SMIM14: variants seen among roughly 807,000 people sequenced by gnomAD.
SMIM14 encodes the protein small integral membrane protein 14, also known as chromosome 4 open reading frame 34.
In SMIM14, 5 loss-of-function variants were observed where a neutral mutation model predicts 12.6. The observed-to-expected ratio is 0.40, with a 90% CI of 0.21 to 0.83. The LOEUF (loss-of-function observed/expected upper bound fraction) is 0.83. SMIM14 is among the 40% of genes least tolerant of loss of function. The probability of loss-of-function intolerance (pLI) is 0.37; values close to 1 mark genes in which losing one functional copy is unlikely to be tolerated. For synonymous variants in SMIM14, 30 were observed against 40.1 expected (o/e 0.75, Z 0.95); for missense variants, 86 against 119.1 (o/e 0.72, Z 1.29).
chr4:39,618,637 G>A (rs1376470602), intron 1 of SMIM14, among the ~76,000 whole-genome samples: 5 of 115,900 alleles, frequency 4.3e-5, no homozygotes, highest in African/African-American at 1.3e-4. Flanking sequence ...GCGACAGAGC[G>A]AGACTCCATC....
rs550361151 is a variant in SMIM14 at position 39,590,848 on chromosome 4, A to G, written c.75+14223T>C. Among the ~76,000 whole-genome samples the G allele has an allele frequency of 2.1e-3, 325 of 152,088 alleles. 1 individual carries two copies. The highest frequency in any genetic ancestry group is 7.5e-3 in the African/African-American group (312 of 41,520). On this transcript the variant is annotated intron_variant, in intron 2 of 4. Transcript: ENST00000295958. The stretch of plus-strand genomic sequence containing the variant: ...CATAGTTATCACGGGGCATATTCCT[A>G]TATTAAATAACACAGAATTATATGT...
chr4:39,600,415 T>A (rs7680844), intron 2 of SMIM14, among the ~76,000 whole-genome samples: 2 of 152,008 alleles, frequency 1.3e-5, no homozygotes, highest in African/African-American at 4.8e-5. Flanking sequence ...AAGGGCCGGG[T>A]GTGGTGGCTG....
At chr4:39,562,825 G>GTTTTTTTTTTTTTTTTTTTTT (rs1553861796) in intron 3 of SMIM14, among the ~76,000 whole-genome samples, 5 of 128,102 alleles carry the variant, frequency 3.9e-5, no homozygotes, top group African/African-American at 2.1e-4. Context: ...TGTATTTTTA[G>GTTTTTTTTTTTTTTTTTTTTT]TAGAGACGGT....
chr4:39,593,136 T>C (rs1176200316), intron 2 of SMIM14: 1 of 151,942 alleles, frequency 6.6e-6, no homozygotes, highest in Admixed American at 6.6e-5. Context: ...TTGATGAACA[T>C]TGATGCAAAA....
At chr4:39,584,983 C>T (rs1713717130) in intron 2 of SMIM14, among the ~76,000 whole-genome samples, 1 of 151,808 alleles carries the variant, frequency 6.6e-6, no homozygotes, top group African/African-American at 2.4e-5. Flanking sequence ...CTACAAAGCA[C>T]ATTCTGAATT....
At position 39,631,607 on chromosome 4, in the gene SMIM14, C is replaced by T. The variant is rs542815777; in HGVS notation, c.-36+7132G>A. Among the ~76,000 whole-genome samples the T allele has an allele frequency of 2.5e-3, 372 of 150,194 alleles. 1 individual carries two copies. Among genetic ancestry groups the T allele is most frequent in the African/African-American group, 8.7e-3 (355 of 40,740 alleles). On this transcript the variant is annotated intron_variant, in intron 1 of 4. Coordinates refer to ENST00000295958, the MANE Select transcript of SMIM14 (RefSeq NM_174921.3). ...CCGGGAAGCGGAGCTTGCAGTGAGC[C>T]GACATTGCGCCACTGCACTCTAGCC... is the stretch of plus-strand genomic sequence containing the variant.
intron 1 of SMIM14, among the ~76,000 whole-genome samples, chr4:39,632,898 A>T (rs993598940): frequency 4.5e-4 from 68 of 152,144 alleles, no homozygotes; most frequent in African/African-American, 6.3e-4. Context: ...TAAATAAATT[A>T]AAAAAATATT....
intron 2 of SMIM14, among the ~76,000 whole-genome samples, chr4:39,581,722 C>G (rs1486125683): frequency 2.0e-5 from 3 of 151,450 alleles, no homozygotes; most frequent in African/African-American, 7.3e-5. Context: ...AACCACCACA[C>G]CTGGCTGTTT....
At chr4:39,584,683 C>A (rs1017455458) in intron 2 of SMIM14, among the ~76,000 whole-genome samples, 4 of 146,900 alleles carry the variant, frequency 2.7e-5, no homozygotes, top group African/African-American at 1.0e-4. Flanking sequence ...ATAGTCCCAG[C>A]TACTTGGGAG....
chr4:39,573,245 G>A (rs761403683), intron 2 of SMIM14, among the ~76,000 whole-genome samples: 15 of 152,000 alleles, frequency 9.9e-5, no homozygotes, highest in African/African-American at 2.7e-4. Flanking sequence ...ACAGGCACCC[G>A]CCACCACACC....
In SMIM14 at chr4:39,552,103, T is replaced by A. The variant is rs765932779; in HGVS notation, c.*23A>T. Reference sequence around the variant, plus strand: ...GTTTGGTCGTGCAAGGTGTTAACTATTTTCACTTCCCATATCACAAAGTTA... The same window carrying A: ...GTTTGGTCGTGCAAGGTGTTAACTAATTTCACTTCCCATATCACAAAGTTA... On this transcript the variant is annotated 3_prime_UTR_variant, in exon 5 of 5. Coordinates refer to ENST00000295958, the MANE Select transcript of SMIM14 (RefSeq NM_174921.3). The A allele has an allele frequency of 3.2e-6, 5 of 1,587,058 alleles. No homozygotes were observed. The South Asian group carries it at 5.9e-5, about 19-fold the overall frequency.
chr4:39,550,473 G>C lies in SMIM14; in HGVS notation c.*1653C>G, dbSNP rs1267751211. ...ATTTTTGCATTTTTAGTAGAGATAA[G>C]GTTTCACCATGTTGGTCAGGCTGGT... is the stretch of plus-strand genomic sequence containing the variant. On this transcript the variant is annotated 3_prime_UTR_variant, in exon 5 of 5. Transcript: ENST00000295958. 6.6e-6 allele frequency: 1 copy of C among 152,148 alleles called. No individual in the cohort carries two copies. Among genetic ancestry groups the C allele is most frequent in the Non-Finnish European group, 1.5e-5 (1 of 68,040 alleles). 9.4% of individuals were successfully genotyped at this position (152,148 alleles called of 1,614,324 possible).
chr4:39,631,376 T>G (rs957456990), intron 1 of SMIM14, among the ~76,000 whole-genome samples: 1 of 149,866 alleles, frequency 6.7e-6, no homozygotes, highest in African/African-American at 2.5e-5. Context: ...AACTATGTTG[T>G]GGCCGGGTGC....
chr4:39,579,399 G>T (rs1267616994), intron 2 of SMIM14, among the ~76,000 whole-genome samples: 2 of 125,394 alleles, frequency 1.6e-5, no homozygotes, highest in Non-Finnish European at 3.2e-5. Context: ...AACACAGTGA[G>T]ACAGTGCCTC....
chr4:39,584,774 TA>T (rs1713700372), intron 2 of SMIM14, among the ~76,000 whole-genome samples: 1 of 92,118 alleles, frequency 1.1e-5, no homozygotes, highest in Non-Finnish European at 2.0e-5. Context: ...CCAGCCTGGG[TA>T]ATCAAGCAGG....
At position 39,552,031 on chromosome 4, in the gene SMIM14, G is replaced by A. The variant is rs1474271792; in HGVS notation, c.*95C>T. 3 of 1,005,606 alleles carry A rather than the reference G, an allele frequency of 3.0e-6. No homozygotes were observed. In the African/African-American group the frequency reaches 5.0e-5, roughly 17 times the overall value. The allele number at this position is 1,005,606 out of a possible 1,614,324, so 62.3% of individuals were successfully genotyped here. On this transcript the variant is annotated 3_prime_UTR_variant, in exon 5 of 5. Coordinates refer to ENST00000295958, the MANE Select transcript of SMIM14 (RefSeq NM_174921.3). ...CCATCCCATATTGCAGATACAAAAG[G>A]AAAAACAGTTCTAATGGGGTTAAGA...
At chr4:39,618,104 ACAAGTGAAGC>A (rs1440400554) in intron 1 of SMIM14, among the ~76,000 whole-genome samples, 1 of 152,184 alleles carries the variant, frequency 6.6e-6, no homozygotes, top group African/African-American at 2.4e-5. Context: ...TTCAGAAATA[ACAAGTGAAGC>A]CAGCATAGAA....
intron 2 of SMIM14, among the ~76,000 whole-genome samples, chr4:39,579,125 A>C (rs920184943): frequency 6.6e-6 from 1 of 151,514 alleles, no homozygotes; most frequent in Non-Finnish European, 1.5e-5. Flanking sequence ...AAACACATAA[A>C]AGGCCGGGTG....
At position 39,554,830 on chromosome 4, in the gene SMIM14, ATTTT is replaced by A. The variant is rs34845808; in HGVS notation, c.267+1594_267+1597del. Among the ~76,000 whole-genome samples, 89 of 123,984 alleles carry A rather than the reference ATTTT, an allele frequency of 7.2e-4. 1 individual carries two copies. The highest frequency in any genetic ancestry group is 2.4e-3 in the African/African-American group (80 of 32,978). 81.3% of individuals were successfully genotyped at this position (123,984 alleles called of 152,430 possible). A position where few individuals can be genotyped will look rare whatever the true frequency, so the allele number is the denominator to read the frequency against. On this transcript the variant is annotated intron_variant, in intron 4 of 4. Transcript: ENST00000295958. ...TAGAGGTAACTGGCAAATTCATGGAATTTTTTTTTTTTTTTTTTTTTTGAGACGA... is the reference window on the plus strand; with the variant it reads ...TAGAGGTAACTGGCAAATTCATGGAATTTTTTTTTTTTTTTTTTGAGACGA...
Sources: gnomAD v4.1 joint callset for allele counts (sites outside exome capture counted in the v4.1 genomes callset) on GRCh38, gnomAD v4.1.1 for gene constraint, MANE v1.5 for transcripts, NCBI Gene and HGNC (gene_info 2026-07-23, HGNC 2026-07-21) for gene names.